The following ZNF875 variants were observed in gnomAD, a reference collection of about 807,000 sequenced individuals.
ZNF875 encodes the protein HKR1, GLI-Kruppel zinc finger family member.
Under a neutral mutation model 11.2 loss-of-function variants are expected in ZNF875, and 14 were observed. That is an observed-to-expected ratio of 1.26 (90% CI 0.83 to 1.96). The LOEUF (loss-of-function observed/expected upper bound fraction) is 1.96, where lower values mean the gene tolerates loss of function less well. ZNF875 is among the 30% of genes most tolerant of loss of function. The probability of loss-of-function intolerance (pLI) is 0.00; values close to 1 mark genes in which losing one functional copy is unlikely to be tolerated. For synonymous variants in ZNF875, 301 were observed against 281.1 expected (o/e 1.07, Z -0.71); for missense variants, 752 against 760.4 (o/e 0.99, Z 0.13).
At chr19:37,346,811 T>C (rs1357443843) in intron 2 of ZNF875, 3 of 252,638 alleles carry the variant, frequency 1.2e-5, no homozygotes, top group Non-Finnish European at 2.3e-5. Flanking sequence ...CAATCCAAAG[T>C]AGGGTCTAGA....
intron 1 of ZNF875, among the ~76,000 whole-genome samples, chr19:37,318,948 A>G (rs2030691779): frequency 6.6e-6 from 1 of 152,092 alleles, no homozygotes; most frequent in South Asian, 2.1e-4. Flanking sequence ...TGTCTTTGAA[A>G]TCTAATTTTT....
chr19:37,329,883 G>A (rs2145810298), upstream of ZNF875, among the ~76,000 whole-genome samples: 1 of 152,106 alleles, frequency 6.6e-6, no homozygotes, highest in East Asian at 1.9e-4. Context: ...GCCATCCTGT[G>A]GCTATAGGTG....
rs199577439 is a variant in ZNF875, at chr19:37,363,593, G to T, written c.1741G>T (p.Ala581Ser). Residue 581 changes from alanine (A) to serine (S), a missense_variant, in exon 5 of 5, where the codon GCA becomes TCA. Coordinates refer to ENST00000392153, the MANE Select transcript of ZNF875 (RefSeq NM_001353803.2). The part of the protein sequence containing the change: ...AKLTLIKHQR[A>S]HAGGKPHVCR... ...GTTAACTCTCATTAAACACCAGAGA[G>T]CACACGCAGGGGGGAAGCCTCATGT... The T allele has an allele frequency of 1.9e-6, 3 of 1,609,120 alleles. No individual in the cohort carries two copies. Among genetic ancestry groups the T allele is most frequent in the Non-Finnish European group, 2.5e-6 (3 of 1,178,540 alleles).
Position 37,362,799 on chromosome 19 carries a change from G to A in ZNF875, c.947G>A (p.Gly316Glu). 6.2e-7 allele frequency: 1 copy of A among 1,614,004 alleles called. No homozygotes were observed. The highest frequency in any genetic ancestry group is 8.5e-7 in the Non-Finnish European group (1 of 1,179,970). Residue 316 changes from glycine to glutamate, a missense_variant, in exon 5 of 5, where the codon GGA (glycine) becomes GAA (glutamate). Transcript: ENST00000392153. ...AAACCTTATGTGTGCAAGGATTGTG[G>A]ACGAGGCTTTACTTGGAAGTCGAAC... The part of the protein sequence containing the change: ...GEKPYVCKDC[G>E]RGFTWKSNLF...
At chr19:37,360,610 G>A (rs2039730604) in intron 4 of ZNF875, among the ~76,000 whole-genome samples, 1 of 152,106 alleles carries the variant, frequency 6.6e-6, no homozygotes, top group Non-Finnish European at 1.5e-5. Flanking sequence ...ATTCAACAAT[G>A]TTTGTTAATT....
At chr19:37,343,991 T>G (rs2036281933) in intron 2 of ZNF875, among the ~76,000 whole-genome samples, 1 of 152,136 alleles carries the variant, frequency 6.6e-6, no homozygotes, top group African/African-American at 2.4e-5. Flanking sequence ...ACTGGGGTGC[T>G]TTCATCTCTG....
At chr19:37,314,480 A>G (rs376613805), upstream of ZNF875, among the ~76,000 whole-genome samples, 154 of 117,674 alleles carry the variant, frequency 1.3e-3, no homozygotes, top group Admixed American at 2.3e-3. Context: ...GAGATGATGC[A>G]TCAGAAATTA....
chr19:37,319,354 T>TATATATATATATATAA (rs2030855941), intron 1 of ZNF875, among the ~76,000 whole-genome samples: 1 of 142,972 alleles, frequency 7.0e-6, no homozygotes. Context: ...CATATATATA[T>TATATATATATATATAA]ATATATATAT....
chr19:37,322,616 T>C (rs944143458), intron 2 of ZNF875, among the ~76,000 whole-genome samples: 34 of 152,190 alleles, frequency 2.2e-4, no homozygotes, highest in African/African-American at 7.7e-4. Context: ...TGATTCATCA[T>C]GAAATGGTGA....
chr19:37,356,321 T>A (rs901820788), intron 4 of ZNF875, among the ~76,000 whole-genome samples: 1 of 152,224 alleles, frequency 6.6e-6, no homozygotes. Context: ...CTATTTTTAG[T>A]TCCTTGAGAA....
intron 1 of ZNF875, among the ~76,000 whole-genome samples, chr19:37,321,887 A>G (rs2031541455): frequency 6.6e-6 from 1 of 152,214 alleles, no homozygotes; most frequent in Admixed American, 6.5e-5. Flanking sequence ...AATATGTCAG[A>G]AAAAATTAAA....
At position 37,328,145 on chromosome 19, in the gene ZNF875, C is replaced by T. The variant is rs138953005; in HGVS notation, c.-603+3880C>T. Among the ~76,000 whole-genome samples the T allele has an allele frequency of 2.8e-4, 42 of 152,190 alleles. No homozygotes were observed. The East Asian group carries it at 7.9e-3, about 29-fold the overall frequency. ...ACCCCAGCTATTTGGGAGACTGAGA[C>T]AGGAGAATCACTTGAACTGGGAGGT... On this transcript the variant is annotated intron_variant, in intron 4 of 5. Coordinates refer to the ZNF875 transcript ENST00000544914.
At chr19:37,352,064 T>A (rs2037993477) in intron 4 of ZNF875, among the ~76,000 whole-genome samples, 2 of 152,244 alleles carry the variant, frequency 1.3e-5, no homozygotes, top group African/African-American at 4.8e-5. Context: ...AGGTTTTGAT[T>A]CATACAGTTA....
chr19:37,316,184 C>G (rs911764066), upstream of ZNF875, among the ~76,000 whole-genome samples: 11 of 152,178 alleles, frequency 7.2e-5, no homozygotes, highest in African/African-American at 2.7e-4. Context: ...ACTTTACTGA[C>G]AAGTCAATTA....
At chr19:37,346,865 CTTTTT>C in intron 2 of ZNF875, 14 of 213,786 alleles carry the variant, frequency 6.5e-5, no homozygotes, top group South Asian at 2.2e-4. Context: ...ACCTCTCATT[CTTTTT>C]TTTTTTTTTT....
upstream of ZNF875, among the ~76,000 whole-genome samples, chr19:37,330,927 C>T (rs375148675): frequency 2.0e-4 from 31 of 152,054 alleles, no homozygotes; most frequent in African/African-American, 6.3e-4. Context: ...GTGGCTCACG[C>T]CTGTAATCCC....
chr19:37,340,549 T>C, intron 2 of ZNF875, among the ~76,000 whole-genome samples: 1 of 152,140 alleles, frequency 6.6e-6, no homozygotes, highest in East Asian at 1.9e-4. Flanking sequence ...ACAGTCTTCA[T>C]TTCAAATATT....
chr19:37,328,031 C>T (rs2032798288), intron 4 of ZNF875, among the ~76,000 whole-genome samples: 1 of 152,058 alleles, frequency 6.6e-6, no homozygotes, highest in African/African-American at 2.4e-5. Flanking sequence ...CACCTGAGGT[C>T]AGGAGTTCAA....
intron 2 of ZNF875, among the ~76,000 whole-genome samples, chr19:37,345,951 T>A (rs74680202): frequency 6.6e-6 from 1 of 152,178 alleles, no homozygotes; most frequent in Non-Finnish European, 1.5e-5. Context: ...GAAACTTTGT[T>A]GCTTGTCTAA....
Sources: allele counts gnomAD v4.1 joint callset (sites outside exome capture counted in the v4.1 genomes callset), GRCh38; gene constraint gnomAD v4.1.1; transcripts MANE v1.5; gene names NCBI Gene and HGNC (gene_info 2026-07-23, HGNC 2026-07-21).